TRPM2: variants seen among roughly 807,000 people sequenced by gnomAD.
TRPM2 encodes estrogen-responsive element-associated gene 1 protein.
A neutral mutation model predicts 174.0 loss-of-function variants in TRPM2; 161 were observed. The ratio of observed to expected loss-of-function variants is 0.93; its 90% CI spans 0.81 to 1.05. The LOEUF is 1.05. Ranked by LOEUF, TRPM2 falls within the 50% of genes least tolerant of loss-of-function variation. The pLI, the probability that TRPM2 is intolerant of heterozygous loss-of-function variation, is 0.00. For missense variants in TRPM2, 2,057 were observed against 2,038.0 expected, an observed-to-expected ratio of 1.01 and a Z score of -0.18; for synonymous variants, 954 against 861.3, an observed-to-expected ratio of 1.11 and a Z score of -1.88.
intron 7 of TRPM2, 119 bp downstream of exon 7, chr21:44,377,892 C>A: frequency 8.5e-7 from 1 of 1,176,622 alleles, no homozygotes; most frequent in Non-Finnish European, 1.2e-6. Flanking sequence ...TGAGCTTTCC[C>A]ACCAGAAGAA....
intron 9 of TRPM2, among the ~76,000 whole-genome samples, chr21:44,387,022 T>G (rs993778261): frequency 2.0e-5 from 3 of 152,124 alleles, no homozygotes; most frequent in African/African-American, 7.2e-5. Context: ...AAACCTTGTC[T>G]CTATAAAAAA....
At chr21:44,410,349 G>A (rs1303558000) in intron 19 of TRPM2, among the ~76,000 whole-genome samples, 1 of 82,770 alleles carries the variant, frequency 1.2e-5, no homozygotes, top group African/African-American at 4.2e-5. Context: ...GTCTTGGTTG[G>A]TGTAGCCTTG....
chr21:44,404,532 C>T (rs1485667737), intron 16 of TRPM2, among the ~76,000 whole-genome samples: 1 of 152,224 alleles, frequency 6.6e-6, no homozygotes, highest in African/African-American at 2.4e-5. Flanking sequence ...TCCTCCACGT[C>T]CTGTTCCCAT....
chr21:44,363,663 G>T (rs2048278353), intron 2 of TRPM2, among the ~76,000 whole-genome samples: 1 of 152,080 alleles, frequency 6.6e-6, no homozygotes, highest in Admixed American at 6.5e-5. Context: ...TGTCATCTTG[G>T]CGTTGGTGGC....
At chr21:44,416,535 C>A in intron 20 of TRPM2, 1 of 163,400 alleles carries the variant, frequency 6.1e-6, no homozygotes, top group Non-Finnish European at 1.3e-5. Flanking sequence ...ATCCACAGAT[C>A]AGGTCCTAGA....
intron 9 of TRPM2, among the ~76,000 whole-genome samples, chr21:44,389,682 C>T (rs1447734296): frequency 1.3e-5 from 2 of 152,046 alleles, no homozygotes; most frequent in Admixed American, 1.3e-4. Context: ...TGGCCATTTG[C>T]CTGTCTTCCT....
intron 8 of TRPM2, among the ~76,000 whole-genome samples, chr21:44,379,674 G>A (rs2048818882): frequency 6.6e-6 from 1 of 152,192 alleles, no homozygotes; most frequent in Non-Finnish European, 1.5e-5. Context: ...ATTTTGGGTG[G>A]CCCCTGCCAT....
At chr21:44,422,119 A>C in intron 22 of TRPM2, 1 of 786,744 alleles carries the variant, frequency 1.3e-6, no homozygotes, top group Non-Finnish European at 1.9e-6. Context: ...AAGTGAGGAA[A>C]GAGCTCCTCA....
At position 44,366,638 on chromosome 21, in the gene TRPM2, G is replaced by A. The variant is rs182132897; in HGVS notation, c.424-116G>A. On this transcript the variant is annotated intron_variant, in intron 3 of 31. Coordinates refer to ENST00000397928, the MANE Select transcript of TRPM2 (RefSeq NM_003307.4). The surrounding 1 kb of genome is among the most constrained non-coding windows in gnomAD (Gnocchi z 6.0). ...GGGACCCCTTTTCTGGGTCTGAGCC[G>A]GAAAGGTGTGCGGTGTCTGCCGCCC... 17 of 1,408,442 alleles carry A rather than the reference G, an allele frequency of 1.2e-5. No homozygotes were observed. The African/African-American group carries it at 1.3e-4, about 11-fold the overall frequency. 87.2% of individuals were successfully genotyped at this position (1,408,442 alleles called of 1,614,324 possible).
intron 27 of TRPM2, among the ~76,000 whole-genome samples, chr21:44,433,696 G>A (rs1348503150): frequency 2.0e-5 from 3 of 152,184 alleles, no homozygotes; most frequent in African/African-American, 7.2e-5. Context: ...CAGCTTCTGG[G>A]GAGGCTGCCT....
chr21:44,398,467 C>CTGG (rs2049503923), intron 13 of TRPM2, among the ~76,000 whole-genome samples: 1 of 152,130 alleles, frequency 6.6e-6, no homozygotes, highest in South Asian at 2.1e-4. Flanking sequence ...TCCCAAAGTG[C>CTGG]TGGGATTACA....
chr21:44,394,961 G>A (rs1352136270), intron 11 of TRPM2, among the ~76,000 whole-genome samples: 4 of 152,154 alleles, frequency 2.6e-5, no homozygotes, highest in Admixed American at 1.3e-4. Flanking sequence ...GTGCTTGCTC[G>A]TGAGTGAGCC....
At position 44,366,852 on chromosome 21, in the gene TRPM2, C is replaced by CG. The variant is rs762935066; in HGVS notation, c.529dup (p.Ala177GlyfsTer92). The stretch of plus-strand genomic sequence containing the variant: ...TCCCCAATCTCTTGATCTCGGTGAC[C>CG]GGGGGGGCCAAGAACTTCAACATGA... On this transcript the variant is annotated frameshift_variant, in exon 4 of 32. Coordinates refer to ENST00000397928, the MANE Select transcript of TRPM2 (RefSeq NM_003307.4). LOFTEE classifies it high-confidence loss of function. This position sits in a 1 kb window ranked among gnomAD's most constrained non-coding sequence, Gnocchi z 6.0. 2.9e-5 allele frequency: 47 copies of CG among 1,613,382 alleles called. No homozygotes were observed. Among genetic ancestry groups the CG allele is most frequent in the Middle Eastern group, 3.3e-4 (2 of 6,078 alleles).
In TRPM2 at chr21:44,423,631, G is replaced by T. The variant is rs1394533175; in HGVS notation, c.3462-14G>T. On this transcript the variant is annotated splice_polypyrimidine_tract_variant and intron_variant, in intron 22 of 31. Transcript: ENST00000397928. ...GGTGTGGTGTGCGTCCAGCTCAGCT[G>T]CTTCCTCTTTCAGGGTTGACGCCAT... is the stretch of plus-strand genomic sequence containing the variant. 6.2e-7 allele frequency: 1 copy of T among 1,609,586 alleles called. No homozygotes were observed. The highest frequency in any genetic ancestry group is 2.2e-5 in the East Asian group (1 of 44,742).
intron 9 of TRPM2, among the ~76,000 whole-genome samples, chr21:44,384,333 A>G (rs2048961864): frequency 6.6e-6 from 1 of 152,176 alleles, no homozygotes; most frequent in Non-Finnish European, 1.5e-5. Context: ...ATCACTGACC[A>G]TCCTTGCCTT....
chr21:44,358,537 C>A lies in TRPM2; in HGVS notation c.254+3801C>A, dbSNP rs562669298. ...GATGTAATTTCTGGATCAGTGTCCG[C>A]AATGCAGTTTCCAGCATCACATCAG... On this transcript the variant is annotated intron_variant, in intron 2 of 31. Coordinates refer to ENST00000397928, the MANE Select transcript of TRPM2 (RefSeq NM_003307.4). Among the ~76,000 whole-genome samples, 11 of 152,356 alleles carry A rather than the reference C, an allele frequency of 7.2e-5. No individual in the cohort carries two copies. The East Asian group carries it at 2.1e-3, about 29-fold the overall frequency.
intron 27 of TRPM2, among the ~76,000 whole-genome samples, chr21:44,429,753 T>C (rs1024664981): frequency 3.9e-5 from 6 of 152,208 alleles, no homozygotes; most frequent in African/African-American, 1.4e-4. Context: ...ATAACAATAT[T>C]GTCTTTCTCC....
chr21:44,400,715 G>A (rs2049589231), intron 15 of TRPM2, among the ~76,000 whole-genome samples: 1 of 151,234 alleles, frequency 6.6e-6, no homozygotes, highest in South Asian at 2.1e-4. Context: ...GTTAGTGCAG[G>A]TCTGGGATGC....
At chr21:44,416,188 C>T (rs755939969) in intron 20 of TRPM2, 2 of 152,256 alleles carry the variant, frequency 1.3e-5, no homozygotes, top group Admixed American at 6.5e-5. Context: ...GCAGACAGAC[C>T]CTGTGCTACC....
Sources: gnomAD v4.1 joint callset for allele counts (sites outside exome capture counted in the v4.1 genomes callset) on GRCh38, gnomAD v4.1.1 for gene constraint, Gnocchi (gnomAD v3.1) non-coding constraint, MANE v1.5 for transcripts, NCBI Gene and HGNC (gene_info 2026-07-23, HGNC 2026-07-21) for gene names.